Variants in ELAVL2 observed in about 807,000 individuals in gnomAD.
The protein encoded by ELAVL2 is ELAV like RNA binding protein 2.
A neutral mutation model predicts 34.6 loss-of-function variants in ELAVL2; 4 were observed. The ratio of observed to expected loss-of-function variants is 0.12; its 90% CI spans 0.06 to 0.26. ELAVL2 has a LOEUF of 0.26. Among genes scored for constraint, ELAVL2 ranks in the 10% least tolerant of loss-of-function variants. The pLI, the probability that ELAVL2 is intolerant of heterozygous loss-of-function variation, is 1.00. For missense variants in ELAVL2, 432 were observed against 442.8 expected (o/e 0.98, Z 0.22); for synonymous variants, 193 against 154.8 (o/e 1.25, Z -1.83).
chr9:23,786,222 C>G (rs574830480), intron 1 of ELAVL2, among the ~76,000 whole-genome samples: 20 of 152,122 alleles, frequency 1.3e-4, no homozygotes, highest in Non-Finnish European at 4.4e-5. Flanking sequence ...GTTTAACATA[C>G]CAGGAAAGTC....
At chr9:23,768,914 T>C (rs1480487549) in intron 1 of ELAVL2, among the ~76,000 whole-genome samples, 5 of 152,178 alleles carry the variant, frequency 3.3e-5, no homozygotes, top group African/African-American at 7.2e-5. Context: ...TAGAAAAGTT[T>C]AGGCAAACAG....
At chr9:23,804,647 T>G (rs2061990906) in intron 1 of ELAVL2, among the ~76,000 whole-genome samples, 1 of 152,216 alleles carries the variant, frequency 6.6e-6, no homozygotes, top group South Asian at 2.1e-4. Flanking sequence ...TCTATTTGCA[T>G]TTTTAATTAC....
intron 5 of ELAVL2, among the ~76,000 whole-genome samples, chr9:23,696,556 C>T (rs1187260051): frequency 1.3e-5 from 2 of 152,210 alleles, no homozygotes; most frequent in Admixed American, 6.5e-5. Flanking sequence ...GCAAACTCTG[C>T]CTCCCGGGTT....
chr9:23,821,126 T>C (rs991788444), intron 1 of ELAVL2: 5 of 152,624 alleles, frequency 3.3e-5, no homozygotes, highest in East Asian at 3.9e-4. Flanking sequence ...GAGAAGCCAG[T>C]GCACACATCC....
intron 2 of ELAVL2, 66 bp downstream of exon 2, chr9:23,761,940 T>G (rs1181715718): frequency 6.0e-6 from 9 of 1,494,926 alleles, no homozygotes; most frequent in African/African-American, 1.4e-5. Context: ...AGCAGTAATC[T>G]TATTATTTTC....
intron 2 of ELAVL2, among the ~76,000 whole-genome samples, chr9:23,752,741 C>T (rs558228004): frequency 6.6e-6 from 1 of 152,308 alleles, no homozygotes; most frequent in East Asian, 1.9e-4. Flanking sequence ...AGGCATGAGC[C>T]ACCATACCCA....
At chr9:23,836,109 T>C in the ELAVL2 span, among the ~76,000 whole-genome samples, 1 of 152,202 alleles carries the variant, frequency 6.6e-6, no homozygotes, top group Admixed American at 6.5e-5. Flanking sequence ...ACAAAATCCA[T>C]TTCTCTGATG....
chr9:23,779,338 G>C (rs867911185), intron 1 of ELAVL2: 6 of 985,294 alleles, frequency 6.1e-6, no homozygotes, highest in East Asian at 1.1e-4. Context: ...GGCAATTCCA[G>C]GGCCTGCAGA....
At chr9:23,740,671 AAAGG>A (rs1378905242) in intron 2 of ELAVL2, among the ~76,000 whole-genome samples, 3 of 152,240 alleles carry the variant, frequency 2.0e-5, no homozygotes, top group Non-Finnish European at 4.4e-5. Context: ...ACCTGAAAGA[AAAGG>A]AAGGACATCC....
chr9:23,787,515 A>C (rs2059838042), intron 1 of ELAVL2, among the ~76,000 whole-genome samples: 1 of 151,826 alleles, frequency 6.6e-6, no homozygotes, highest in Admixed American at 6.6e-5. Context: ...TACAGGCATG[A>C]GCCACCACGC....
chr9:23,785,527 G>T (rs1489596929), intron 1 of ELAVL2, among the ~76,000 whole-genome samples: 1 of 152,272 alleles, frequency 6.6e-6, no homozygotes, highest in Middle Eastern at 3.4e-3. Context: ...CCCAAATTTT[G>T]CATTACTTTA....
chr9:23,835,270 TTTA>T, the ELAVL2 span, among the ~76,000 whole-genome samples: 48 of 152,198 alleles, frequency 3.2e-4, 1 homozygote, highest in East Asian at 8.7e-3. Context: ...TTGAGACACT[TTTA>T]TTATTCAATT....
intron 1 of ELAVL2, among the ~76,000 whole-genome samples, chr9:23,780,770 C>T (rs1297921444): frequency 6.6e-6 from 1 of 152,192 alleles, no homozygotes; most frequent in Non-Finnish European, 1.5e-5. Context: ...TTTAGTTCAG[C>T]TCTTCAGGAG....
intron 1 of ELAVL2, among the ~76,000 whole-genome samples, chr9:23,773,319 T>C (rs1554730720): frequency 6.6e-6 from 1 of 152,126 alleles, no homozygotes; most frequent in Non-Finnish European, 1.5e-5. Flanking sequence ...ATACACCCAA[T>C]TTCGAACAAC....
chr9:23,762,125 C>T lies in ELAVL2; in HGVS notation c.110G>A (p.Ser37Asn). Residue 37 changes from serine (S) to asparagine (N), a missense_variant, in exon 2 of 7, where the codon AGC becomes AAC. By Grantham distance (46) the Ser-to-Asn change is conservative (BLOSUM62 1). Around this residue, in one of 3 missense-constraint regions of ELAVL2, gnomAD observed 132 missense variants for 118.3 expected, o/e 1.12. Coordinates refer to ENST00000397312, the MANE Select transcript of ELAVL2 (RefSeq NM_004432.5). ...SPVDSGNTED[S>N]KTNLIVNYLP... ...GTAGTTGACTATTAAGTTGGTCTTG[C>T]TGTCTTCTGTGTTCCCAGAGTCAAC... The T allele has an allele frequency of 6.2e-7, 1 of 1,613,594 alleles. No homozygotes were observed. Among genetic ancestry groups the T allele is most frequent in the African/African-American group, 1.3e-5 (1 of 74,980 alleles).
chr9:23,821,605 C>G (rs1183380922), intron 1 of ELAVL2: 2 of 152,378 alleles, frequency 1.3e-5, no homozygotes, highest in Admixed American at 6.5e-5. Context: ...CAGCACTTGC[C>G]TGCTGTGACT....
At chr9:23,726,326 G>A (rs971584736) in intron 3 of ELAVL2, among the ~76,000 whole-genome samples, 4 of 152,030 alleles carry the variant, frequency 2.6e-5, no homozygotes, top group Non-Finnish European at 5.9e-5. Context: ...TTTCATGATT[G>A]TATACCAATT....
chr9:23,810,247 C>T lies in ELAVL2; in HGVS notation c.-16+15559G>A, dbSNP rs114069245. Among the ~76,000 whole-genome samples the T allele has an allele frequency of 9.4e-3, 1,427 of 152,056 alleles. 20 individuals are homozygous for T. The highest frequency in any genetic ancestry group is 0.031 in the African/African-American group (1,300 of 41,500). On this transcript the variant is annotated intron_variant, in intron 1 of 6. Transcript: ENST00000397312. ...AAAGTAATCCTGCAAGTCAAGGATGCCAGCTGGCATCAGAAAGTCACCAGC... is the reference window on the plus strand; with the variant it reads ...AAAGTAATCCTGCAAGTCAAGGATGTCAGCTGGCATCAGAAAGTCACCAGC...
chr9:23,708,005 TTATA>T (rs1227530899), intron 3 of ELAVL2, among the ~76,000 whole-genome samples: 2 of 152,096 alleles, frequency 1.3e-5, no homozygotes, highest in Non-Finnish European at 2.9e-5. Context: ...TATTTAATGC[TTATA>T]TAAAGGCTTT....
Sources: allele counts gnomAD v4.1 joint callset (sites outside exome capture counted in the v4.1 genomes callset), GRCh38; gene constraint gnomAD v4.1.1; regional missense constraint gnomAD v4.1.1; transcripts MANE v1.5; gene names NCBI Gene and HGNC (gene_info 2026-07-23, HGNC 2026-07-21).